WWP2: variants seen among roughly 807,000 people sequenced by gnomAD.
The protein encoded by WWP2 is WW domain containing E3 ubiquitin protein ligase 2, also known as NEDD4-like E3 ubiquitin-protein ligase WWP2.
WWP2 carries 57 observed loss-of-function variants against 121.0 expected under a neutral mutation model. The ratio of observed to expected loss-of-function variants is 0.47; its 90% confidence interval spans 0.38 to 0.59. The LOEUF (loss-of-function observed/expected upper bound fraction) is 0.59, where lower values mean the gene tolerates loss of function less well. Ranked by LOEUF, WWP2 falls within the 20% of genes least tolerant of loss-of-function variation. The pLI, the probability that WWP2 is intolerant of heterozygous loss-of-function variation, is 0.00. For missense variants in WWP2, 962 were observed against 1,158.9 expected (o/e 0.83, Z 2.47); for synonymous variants, 449 against 441.3 (o/e 1.02, Z -0.22).
chr16:69,815,088 C>T (rs1248991642), intron 4 of WWP2, among the ~76,000 whole-genome samples: 6 of 151,968 alleles, frequency 3.9e-5, no homozygotes, highest in African/African-American at 1.5e-4. Flanking sequence ...CTGCAACCTT[C>T]GCTTCCTGGG....
At position 69,787,066 on chromosome 16, in the gene WWP2, A is replaced by T. The variant is rs892120436; in HGVS notation, c.56A>T (p.Gln19Leu). Residue 19 changes from glutamine to leucine, a missense_variant, in exon 2 of 24, where the codon CAG becomes CTG. Around this residue, in one of 3 missense-constraint regions of WWP2, gnomAD observed 145 missense variants for 189.8 expected, o/e 0.76. Transcript: ENST00000359154. ...GTGGCCCTGCCTTTTGAGAAGTCTC[A>T]GCTCACTTTGAAAGGTGAGTGGCAC... ...AGVALPFEKS[Q>L]LTLKVVSAKP... 3.1e-6 allele frequency: 5 copies of T among 1,613,490 alleles called. No individual in the cohort carries two copies. In the African/African-American group the frequency reaches 6.7e-5, roughly 21 times the overall value.
At chr16:69,929,341 C>G in intron 11 of WWP2, 107 bp from the exon 12 acceptor site, 1 of 981,016 alleles carries the variant, frequency 1.0e-6, no homozygotes, top group Non-Finnish European at 1.6e-6. Context: ...AGGCTGACAA[C>G]AGGGAGATAA....
chr16:69,874,463 G>A (rs1030349767), intron 7 of WWP2, among the ~76,000 whole-genome samples: 2 of 152,162 alleles, frequency 1.3e-5, no homozygotes, highest in Non-Finnish European at 1.5e-5. Context: ...TTTTGGCTGC[G>A]CACTGCAGTT....
At chr16:69,922,077 CAAAAA>C (rs530518146) in intron 10 of WWP2, among the ~76,000 whole-genome samples, 1 of 96,564 alleles carries the variant, frequency 1.0e-5, no homozygotes, top group Non-Finnish European at 2.3e-5. Flanking sequence ...GACTCCATCT[CAAAAA>C]AAAAAAAAAA....
intron 8 of WWP2, among the ~76,000 whole-genome samples, chr16:69,900,533 T>A (rs2058186746): frequency 6.6e-6 from 1 of 152,112 alleles, no homozygotes; most frequent in Non-Finnish European, 1.5e-5. Context: ...ACTTTTTTTT[T>A]TTTCTTTGAG....
At chr16:69,825,422 T>TC (rs2056668128) in intron 4 of WWP2, among the ~76,000 whole-genome samples, 1 of 120,452 alleles carries the variant, frequency 8.3e-6, no homozygotes, top group Non-Finnish European at 1.9e-5. Flanking sequence ...AGATTCCATC[T>TC]CCAAAAAAAA....
At chr16:69,848,605 C>T (rs1299541209) in intron 6 of WWP2, among the ~76,000 whole-genome samples, 1 of 141,480 alleles carries the variant, frequency 7.1e-6, no homozygotes, top group African/African-American at 2.7e-5. Context: ...ACCCTGCAAT[C>T]CAGCCTGGGC....
Position 69,937,436 on chromosome 16 carries a change from G to T in WWP2, c.2239-112G>T. On this transcript the variant is annotated intron_variant, in intron 20 of 23. Transcript: ENST00000359154. This position sits in a 1 kb window ranked among gnomAD's most constrained non-coding sequence, Gnocchi z 6.6. The stretch of plus-strand genomic sequence containing the variant: ...GACTTACATTACCCATATTATTAAC[G>T]CTGACACCAAAAATAGCTAGTTGAA... 1 of 1,372,658 alleles carries T rather than the reference G, an allele frequency of 7.3e-7. No individual in the cohort carries two copies. Among genetic ancestry groups the T allele is most frequent in the Non-Finnish European group, 1.0e-6 (1 of 988,596 alleles). The allele number at this position is 1,372,658 out of a possible 1,614,324, so 85.0% of individuals were successfully genotyped here. A position where few individuals can be genotyped will look rare whatever the true frequency, so the allele number is the denominator to read the frequency against.
chr16:69,799,093 C>T lies in WWP2; in HGVS notation c.219-81C>T. The T allele has an allele frequency of 1.3e-6, 2 of 1,541,070 alleles. No homozygotes were observed. The highest frequency in any genetic ancestry group is 1.3e-5 in the South Asian group (1 of 78,182). On this transcript the variant is annotated intron_variant, in intron 3 of 23. Coordinates refer to ENST00000359154, the MANE Select transcript of WWP2 (RefSeq NM_001270454.2). This position sits in a 1 kb window ranked among gnomAD's most constrained non-coding sequence, Gnocchi z 4.5. ...TTTTGGTTCCCCCTCCCCAAGATGT[C>T]AGCAGTTTAGTTTAAATGTTTTCTT... is the stretch of plus-strand genomic sequence containing the variant.
At chr16:69,922,106 CAG>C (rs1239291372) in intron 10 of WWP2, among the ~76,000 whole-genome samples, 1 of 149,370 alleles carries the variant, frequency 6.7e-6, no homozygotes, top group Non-Finnish European at 1.5e-5. Flanking sequence ...GTAAAAGAAA[CAG>C]ATTATTTTGT....
In WWP2 at chr16:69,773,112, C is replaced by G. The variant is rs182291784; in HGVS notation, c.-16+10721C>G. On this transcript the variant is annotated intron_variant, in intron 1 of 23. Coordinates refer to ENST00000359154, the MANE Select transcript of WWP2 (RefSeq NM_001270454.2). ...TGGGAAGACGCTAGTGTCGCTACTA[C>G]TTTGTTTCCTTAGCAACAGTCCTGA... Among the ~76,000 whole-genome samples the G allele has an allele frequency of 8.6e-3, 1,303 of 151,996 alleles. 14 individuals carry two copies. The highest frequency in any genetic ancestry group is 0.083 in the Middle Eastern group (24 of 290).
At chr16:69,857,159 A>G (rs996288972) in intron 6 of WWP2, among the ~76,000 whole-genome samples, 1 of 151,970 alleles carries the variant, frequency 6.6e-6, no homozygotes, top group South Asian at 2.1e-4. Flanking sequence ...GCTGGAGTGC[A>G]GTGGCGCCAT....
chr16:69,879,422 A>G (rs925911472), intron 7 of WWP2, among the ~76,000 whole-genome samples: 5 of 150,802 alleles, frequency 3.3e-5, no homozygotes, highest in East Asian at 3.9e-4. Flanking sequence ...GGTGACCCCT[A>G]TTCTCCTGTT....
intron 1 of WWP2, among the ~76,000 whole-genome samples, chr16:69,762,828 TC>T (rs1200168769): frequency 6.6e-6 from 1 of 152,160 alleles, no homozygotes; most frequent in Non-Finnish European, 1.5e-5. Context: ...CTGGACCCCC[TC>T]TGAGAGTCTC....
At chr16:69,811,554 A>G (rs1015793708) in intron 4 of WWP2, among the ~76,000 whole-genome samples, 4 of 151,976 alleles carry the variant, frequency 2.6e-5, no homozygotes, top group African/African-American at 9.7e-5. Flanking sequence ...TTGAGACCAG[A>G]CTCAGTATTG....
At chr16:69,877,929 C>G (rs763426856) in intron 7 of WWP2, among the ~76,000 whole-genome samples, 17 of 151,998 alleles carry the variant, frequency 1.1e-4, no homozygotes, top group Non-Finnish European at 2.2e-4. Context: ...TGCCTCAGCC[C>G]CCCCAGTAGC....
At chr16:69,912,918 CAAAACAAAAAAAAAAAAAAAAAAA>C (rs1171248010) in intron 9 of WWP2, among the ~76,000 whole-genome samples, 10,609 of 31,710 alleles carry the variant, frequency 0.33, 2,182 homozygotes, top group South Asian at 0.5. Context: ...CCAGTCTCTA[CAAAACAAAAAAAAAAAAAAAAAAA>C]AAAAAAAAAA....
chr16:69,922,791 G>C (rs1383772921), intron 10 of WWP2, among the ~76,000 whole-genome samples: 3 of 152,186 alleles, frequency 2.0e-5, no homozygotes, highest in African/African-American at 7.2e-5. Flanking sequence ...ATCGTCAAGT[G>C]CTTCTATTTA....
In WWP2 at chr16:69,937,751, C is replaced by A; in HGVS notation, c.2343+99C>A. The A allele has an allele frequency of 8.5e-7, 1 of 1,172,862 alleles. No homozygotes were observed. The highest frequency in any genetic ancestry group is 1.2e-6 in the Non-Finnish European group (1 of 813,370). 72.7% of individuals were successfully genotyped at this position (1,172,862 alleles called of 1,614,324 possible). On this transcript the variant is annotated intron_variant, in intron 21 of 23. Transcript: ENST00000359154. The surrounding 1 kb of genome is among the most constrained non-coding windows in gnomAD (Gnocchi z 6.6). ...CACGCGCAAGGACCTTCAGCTTTGGCCCTGTCCTTGCCTCCCACACCTTGC... is the reference window on the plus strand; with the variant it reads ...CACGCGCAAGGACCTTCAGCTTTGGACCTGTCCTTGCCTCCCACACCTTGC...
Sources: allele counts gnomAD v4.1 joint callset (sites outside exome capture counted in the v4.1 genomes callset), GRCh38; gene constraint gnomAD v4.1.1; regional missense constraint gnomAD v4.1.1; non-coding constraint Gnocchi (gnomAD v3.1); transcripts MANE v1.5; gene names NCBI Gene and HGNC (gene_info 2026-07-23, HGNC 2026-07-21).